The following ELOVL7 variants were observed in gnomAD, a reference collection of about 807,000 sequenced individuals.
ELOVL7 encodes the protein very long chain fatty acid elongase 7.
ELOVL7 carries 27 observed loss-of-function variants against 35.7 expected under a neutral mutation model. That is an observed-to-expected ratio of 0.76 (90% CI 0.56 to 1.04). The LOEUF (loss-of-function observed/expected upper bound fraction) is 1.04, where lower values mean the gene tolerates loss of function less well. ELOVL7 is among the 50% of genes least tolerant of loss of function. The pLI is 0.00. For missense variants in ELOVL7, 327 were observed against 340.8 expected (o/e 0.96, Z 0.32); for synonymous variants, 113 against 114.6 (o/e 0.99, Z 0.09).
chr5:60,764,643 G>A (rs1742128281), intron 6 of ELOVL7, among the ~76,000 whole-genome samples: 1 of 146,750 alleles, frequency 6.8e-6, no homozygotes, highest in African/African-American at 2.5e-5. Flanking sequence ...AAATTGTATT[G>A]ATAAAAAAAA....
intron 1 of ELOVL7, among the ~76,000 whole-genome samples, chr5:60,814,503 C>G (rs1194579750): frequency 1.3e-5 from 2 of 152,118 alleles, no homozygotes; most frequent in Non-Finnish European, 1.5e-5. Flanking sequence ...GAGTTGCTAC[C>G]CAAGTTATCC....
intron 1 of ELOVL7, chr5:60,802,795 A>G (rs935664590): frequency 9.9e-5 from 15 of 152,186 alleles, no homozygotes; most frequent in African/African-American, 3.4e-4. Flanking sequence ...CTAACTTTCT[A>G]TTTTTCAAAT....
At chr5:60,801,695 C>A (rs555841358) in intron 1 of ELOVL7, among the ~76,000 whole-genome samples, 1 of 151,540 alleles carries the variant, frequency 6.6e-6, no homozygotes, top group East Asian at 1.9e-4. Context: ...AGAACAAGAT[C>A]CTGTCTCAAA....
intron 3 of ELOVL7, among the ~76,000 whole-genome samples, chr5:60,783,195 T>C (rs1452087040): frequency 6.6e-6 from 1 of 152,144 alleles, no homozygotes; most frequent in African/African-American, 2.4e-5. Context: ...TACTCTTCAA[T>C]AGTCTTTTAT....
chr5:60,758,047 C>T (rs1214437347), intron 7 of ELOVL7, among the ~76,000 whole-genome samples: 1 of 152,086 alleles, frequency 6.6e-6, no homozygotes, highest in Non-Finnish European at 1.5e-5. Flanking sequence ...TGTATGTATA[C>T]ACCCATGTCA....
intron 1 of ELOVL7, among the ~76,000 whole-genome samples, chr5:60,820,586 C>T (rs142387457): frequency 2.0e-5 from 3 of 152,262 alleles, no homozygotes; most frequent in African/African-American, 4.8e-5. Context: ...AAGAAGTTAG[C>T]ACAAAGCACT....
intron 1 of ELOVL7, among the ~76,000 whole-genome samples, chr5:60,802,009 T>C (rs2112288566): frequency 7.3e-6 from 1 of 137,334 alleles, no homozygotes; most frequent in Non-Finnish European, 1.6e-5. Flanking sequence ...AGCTTGCAGA[T>C]GGCCTATTGT....
At chr5:60,795,455 C>G (rs1484590556) in intron 2 of ELOVL7, among the ~76,000 whole-genome samples, 3 of 152,156 alleles carry the variant, frequency 2.0e-5, no homozygotes, top group Non-Finnish European at 4.4e-5. Context: ...GGGGGAGGGA[C>G]AATGATTGGG....
intron 1 of ELOVL7, among the ~76,000 whole-genome samples, chr5:60,825,833 C>T (rs1188617225): frequency 6.6e-6 from 1 of 152,218 alleles, no homozygotes; most frequent in African/African-American, 2.4e-5. Context: ...TAAAGGGTTT[C>T]TCTTTTGGTC....
At chr5:60,816,582 T>C (rs1745531324) in intron 1 of ELOVL7, among the ~76,000 whole-genome samples, 1 of 152,170 alleles carries the variant, frequency 6.6e-6, no homozygotes, top group Admixed American at 6.5e-5. Flanking sequence ...ACACTATAAA[T>C]GGATTTTTGA....
At chr5:60,812,548 T>C (rs545884263) in intron 1 of ELOVL7, among the ~76,000 whole-genome samples, 2 of 152,276 alleles carry the variant, frequency 1.3e-5, no homozygotes, top group Non-Finnish European at 2.9e-5. Flanking sequence ...TGTTCTTGAG[T>C]AGATATGACA....
chr5:60,785,958 A>C (rs1385006286), intron 3 of ELOVL7: 1 of 152,172 alleles, frequency 6.6e-6, no homozygotes, highest in African/African-American at 2.4e-5. Flanking sequence ...TGTAAATTTG[A>C]CTATAATTTC....
chr5:60,822,558 C>T (rs1000327444), intron 1 of ELOVL7, among the ~76,000 whole-genome samples: 10 of 152,130 alleles, frequency 6.6e-5, no homozygotes, highest in Non-Finnish European at 4.4e-5. Flanking sequence ...GTGACAAGCC[C>T]AGGGGACATT....
At chr5:60,772,628 T>C (rs1208177832) in intron 3 of ELOVL7, among the ~76,000 whole-genome samples, 1 of 152,148 alleles carries the variant, frequency 6.6e-6, no homozygotes, top group Non-Finnish European at 1.5e-5. Context: ...GCCAGAGGAA[T>C]AGATACCCCA....
At chr5:60,776,557 A>G (rs1037246938) in intron 3 of ELOVL7, among the ~76,000 whole-genome samples, 1 of 152,172 alleles carries the variant, frequency 6.6e-6, no homozygotes, top group Admixed American at 6.5e-5. Context: ...GAACAAAATC[A>G]TATCCTTTGC....
At chr5:60,784,495 C>T (rs1743447705) in intron 3 of ELOVL7, among the ~76,000 whole-genome samples, 1 of 152,104 alleles carries the variant, frequency 6.6e-6, no homozygotes, top group Non-Finnish European at 1.5e-5. Context: ...TTAATTAAAC[C>T]ATTTTTTCTT....
chr5:60,807,214 A>G (rs976420693), intron 1 of ELOVL7, among the ~76,000 whole-genome samples: 1 of 152,108 alleles, frequency 6.6e-6, no homozygotes, highest in African/African-American at 2.4e-5. Flanking sequence ...GATTCTGATT[A>G]TGGAAACTCC....
chr5:60,803,215 C>A (rs1002706323), intron 1 of ELOVL7, among the ~76,000 whole-genome samples: 1 of 152,212 alleles, frequency 6.6e-6, no homozygotes, highest in Admixed American at 6.5e-5. Context: ...ATTTACCATT[C>A]CATCCCATCC....
intron 2 of ELOVL7, among the ~76,000 whole-genome samples, chr5:60,797,000 G>C (rs191023934): frequency 2.6e-5 from 4 of 152,306 alleles, no homozygotes. Flanking sequence ...AAGATATATA[G>C]TAGTCTGAAG....
Sources: allele counts gnomAD v4.1 joint callset (sites outside exome capture counted in the v4.1 genomes callset), GRCh38; gene constraint gnomAD v4.1.1; transcripts MANE v1.5; gene names NCBI Gene and HGNC (gene_info 2026-07-23, HGNC 2026-07-21).